The following FBP2 variants were observed in gnomAD, a reference collection of about 807,000 sequenced individuals.
FBP2 encodes fructose-bisphosphatase 2, also known as fructose-1,6-bisphosphatase isozyme 2.
FBP2 carries 27 observed loss-of-function variants against 31.6 expected under a neutral mutation model. The ratio of observed to expected loss-of-function variants is 0.85; its 90% CI spans 0.63 to 1.18. The LOEUF (loss-of-function observed/expected upper bound fraction) is 1.18, where lower values mean the gene tolerates loss of function less well. Among genes scored for constraint, FBP2 ranks in the 50% most tolerant of loss-of-function variants. The probability of loss-of-function intolerance (pLI) is 0.00; values close to 1 mark genes in which losing one functional copy is unlikely to be tolerated. For synonymous variants in FBP2, 168 were observed against 179.8 expected, an observed-to-expected ratio of 0.93 and a Z score of 0.53; for missense variants, 421 against 436.1, an observed-to-expected ratio of 0.97 and a Z score of 0.31.
intron 2 of FBP2, chr9:94,586,519 A>G (rs1343760404): frequency 1.3e-5 from 2 of 152,252 alleles, no homozygotes; most frequent in East Asian, 1.9e-4. Context: ...ATCAACTGAA[A>G]CTGAAAGTTG....
At chr9:94,581,312 T>G (rs907783167) in intron 3 of FBP2, among the ~76,000 whole-genome samples, 2 of 152,164 alleles carry the variant, frequency 1.3e-5, no homozygotes, top group Non-Finnish European at 2.9e-5. Context: ...CAGAGAGGCT[T>G]CAACAGCTGA....
Position 94,566,201 on chromosome 9 carries a change from C to G in FBP2, c.705+1069G>C, listed in dbSNP as rs576514090. Among the ~76,000 whole-genome samples, 94 of 152,324 alleles carry G rather than the reference C, an allele frequency of 6.2e-4. 1 individual carries two copies. The highest frequency in any genetic ancestry group is 4.4e-3 in the South Asian group (21 of 4,822). ...TTAAAGGGCACTGTTGGGAACAGGC[C>G]CCCCAAAACCTGGCCATAAACTGGC... On this transcript the variant is annotated intron_variant, in intron 5 of 6. Transcript: ENST00000375337.
At chr9:94,584,432 G>C in intron 3 of FBP2, 145 bp downstream of exon 3, 1 of 626,228 alleles carries the variant, frequency 1.6e-6, no homozygotes, top group Non-Finnish European at 2.9e-6. Context: ...GCCCCAGGCA[G>C]AGAAAAGTTG....
rs1484775273 is a variant in FBP2, at chr9:94,559,816, G to A, written c.826-684C>T. 2.0e-5 allele frequency among the ~76,000 whole-genome samples: 3 copies of A among 152,036 alleles called. No homozygotes were observed. The East Asian group carries it at 5.8e-4, about 29-fold the overall frequency. On this transcript the variant is annotated intron_variant, in intron 6 of 6. Coordinates refer to ENST00000375337, the MANE Select transcript of FBP2 (RefSeq NM_003837.4). ...CTGCTGTCCATCCTAGCTGGTCACT[G>A]TACTATCTGTATTCTCAGTAGTGCC... is the stretch of plus-strand genomic sequence containing the variant.
At chr9:94,590,558 T>C (rs772230889) in intron 1 of FBP2, among the ~76,000 whole-genome samples, 1 of 152,172 alleles carries the variant, frequency 6.6e-6, no homozygotes, top group Non-Finnish European at 1.5e-5. Context: ...AGGTGGCGCA[T>C]CTGGAGTTGT....
intron 5 of FBP2, among the ~76,000 whole-genome samples, chr9:94,565,149 G>A (rs1199599915): frequency 6.6e-6 from 1 of 152,124 alleles, no homozygotes; most frequent in Non-Finnish European, 1.5e-5. Flanking sequence ...CAAGGCAGGT[G>A]GATCACCTGT....
chr9:94,574,315 C>G (rs2131452629), intron 3 of FBP2, among the ~76,000 whole-genome samples: 1 of 152,190 alleles, frequency 6.6e-6, no homozygotes, highest in African/African-American at 2.4e-5. Context: ...TTAATTCAGC[C>G]TGGTAAACAC....
chr9:94,565,424 A>G (rs1827172005), intron 5 of FBP2, among the ~76,000 whole-genome samples: 1 of 151,382 alleles, frequency 6.6e-6, no homozygotes, highest in Non-Finnish European at 1.5e-5. Context: ...GGAGTATCTT[A>G]CACATGAATT....
chr9:94,559,683 T>A (rs549087641), intron 6 of FBP2, among the ~76,000 whole-genome samples: 1 of 152,280 alleles, frequency 6.6e-6, no homozygotes, highest in East Asian at 1.9e-4. Flanking sequence ...CTTTTGACCC[T>A]TAGACTAAGT....
intron 2 of FBP2, 87 bp from the exon 3 acceptor site, chr9:94,584,756 C>T (rs1292375718): frequency 1.5e-5 from 12 of 782,542 alleles, no homozygotes; most frequent in Admixed American, 4.0e-5. Context: ...TGGCAGAGTA[C>T]ACCACATCAA....
chr9:94,583,578 C>T (rs545413425), intron 3 of FBP2, among the ~76,000 whole-genome samples: 1 of 152,170 alleles, frequency 6.6e-6, no homozygotes, highest in Non-Finnish European at 1.5e-5. Flanking sequence ...GTAACTGGCA[C>T]TCTGCTTATT....
chr9:94,588,464 A>T (rs1827454205), intron 1 of FBP2, among the ~76,000 whole-genome samples: 1 of 152,080 alleles, frequency 6.6e-6, no homozygotes, highest in African/African-American at 2.4e-5. Flanking sequence ...TTTACAAAAA[A>T]ATACAAAAAT....
chr9:94,563,914 G>A (rs1172564202), intron 5 of FBP2, among the ~76,000 whole-genome samples: 1 of 152,166 alleles, frequency 6.6e-6, no homozygotes, highest in Non-Finnish European at 1.5e-5. Context: ...TAATGGTAAA[G>A]GGCTCAATTC....
At chr9:94,590,948 A>C (rs934928266) in intron 1 of FBP2, among the ~76,000 whole-genome samples, 5 of 152,352 alleles carry the variant, frequency 3.3e-5, no homozygotes, top group Non-Finnish European at 5.9e-5. Context: ...GAGCAGCTAG[A>C]TACAGAGTGT....
At chr9:94,574,040 T>C (rs984543677) in intron 3 of FBP2, among the ~76,000 whole-genome samples, 3 of 152,230 alleles carry the variant, frequency 2.0e-5, no homozygotes, top group African/African-American at 7.2e-5. Flanking sequence ...TTGTAGTTTT[T>C]GAGACATTGG....
At position 94,579,050 on chromosome 9, in the gene FBP2, C is replaced by CAAAAAAAAAAAA. The variant is rs55778806; in HGVS notation, c.426+5515_426+5526dup. On this transcript the variant is annotated intron_variant, in intron 3 of 6. Transcript: ENST00000375337. The stretch of plus-strand genomic sequence containing the variant: ...CCTGGGCAACAGAGAGAGACTCTGT[C>CAAAAAAAAAAAA]AAAAAAAAAAAAAAAAAAAGGTTAT... Among the ~76,000 whole-genome samples the CAAAAAAAAAAAA allele has an allele frequency of 1.2e-3, 36 of 30,590 alleles. 7 individuals carry two copies. The highest frequency in any genetic ancestry group is 5.4e-3 in the African/African-American group (27 of 5,030). 20.1% of individuals were successfully genotyped at this position (30,590 alleles called of 152,430 possible). A position where few individuals can be genotyped will look rare whatever the true frequency, so the allele number is the denominator to read the frequency against.
At chr9:94,566,518 A>T (rs1232645276) in intron 5 of FBP2, among the ~76,000 whole-genome samples, 1 of 152,246 alleles carries the variant, frequency 6.6e-6, no homozygotes, top group Non-Finnish European at 1.5e-5. Flanking sequence ...ATCTATAGAA[A>T]CAATGCTAAT....
chr9:94,567,655 A>T, intron 4 of FBP2: 3 of 448,470 alleles, frequency 6.7e-6, no homozygotes, highest in Non-Finnish European at 1.2e-5. Context: ...GAAGCAGCCC[A>T]TAGTCTTCTT....
chr9:94,574,701 A>G (rs191236090), intron 3 of FBP2, among the ~76,000 whole-genome samples: 4 of 152,244 alleles, frequency 2.6e-5, no homozygotes, highest in African/African-American at 9.6e-5. Flanking sequence ...TTTCTCCTAC[A>G]TCAAGACAGG....
Sources: allele counts gnomAD v4.1 joint callset (sites outside exome capture counted in the v4.1 genomes callset), GRCh38; gene constraint gnomAD v4.1.1; transcripts MANE v1.5; gene names NCBI Gene and HGNC (gene_info 2026-07-23, HGNC 2026-07-21).